OLA1: variants seen among roughly 807,000 people sequenced by gnomAD.
OLA1 encodes the protein Obg like ATPase 1, also known as obg-like ATPase 1.
In OLA1, 14 loss-of-function variants were observed where a neutral mutation model predicts 48.4. The observed-to-expected ratio is 0.29, with a 90% confidence interval of 0.19 to 0.45. The LOEUF is 0.45. Among genes scored for constraint, OLA1 ranks in the 20% least tolerant of loss-of-function variants. The pLI is 1.00. For missense variants in OLA1, 325 were observed against 467.1 expected (o/e 0.70, Z 2.80); for synonymous variants, 127 against 150.4 (o/e 0.84, Z 1.14).
intron 4 of OLA1, among the ~76,000 whole-genome samples, chr2:174,215,308 A>G (rs1041148667): frequency 1.4e-4 from 22 of 152,188 alleles, no homozygotes; most frequent in Admixed American, 1.4e-3. Flanking sequence ...GACAATTTGT[A>G]AAATAAAATA....
intron 4 of OLA1, among the ~76,000 whole-genome samples, chr2:174,171,055 A>G (rs1687289146): frequency 6.6e-6 from 1 of 152,262 alleles, no homozygotes; most frequent in African/African-American, 2.4e-5. Context: ...AAATTCATCC[A>G]AAAGGCATAA....
At chr2:174,205,841 C>T (rs1186479732) in intron 4 of OLA1, among the ~76,000 whole-genome samples, 3 of 152,100 alleles carry the variant, frequency 2.0e-5, no homozygotes, top group African/African-American at 2.4e-5. Flanking sequence ...GCCCTGACAT[C>T]GCCAATGTAG....
Position 174,172,343 on chromosome 2 carries a change from C to CGAAAAGAACCACG in OLA1, c.374-30344_374-30343insCGTGGTTCTTTTC, listed in dbSNP as rs112589757. 8 of 156,052 alleles carry CGAAAAGAACCACG rather than the reference C, an allele frequency of 5.1e-5. No homozygotes were observed. In the Admixed American group the frequency reaches 5.2e-4, roughly 10 times the overall value. 9.7% of individuals were successfully genotyped at this position (156,052 alleles called of 1,614,324 possible). A position where few individuals can be genotyped will look rare whatever the true frequency, so the allele number is the denominator to read the frequency against. On this transcript the variant is annotated intron_variant, in intron 4 of 10. Coordinates refer to ENST00000284719, the MANE Select transcript of OLA1 (RefSeq NM_013341.5). ...AGAATTACCGTAATAGTGAGAGTGG[C>CGAAAAGAACCACG]GAAAAGAGTGCTCCCGAAGGCCAGG...
chr2:174,230,687 CAGACTCTGGAAAATTTTATA>C (rs1688709233), intron 2 of OLA1, among the ~76,000 whole-genome samples: 1 of 152,082 alleles, frequency 6.6e-6, no homozygotes, highest in African/African-American at 2.4e-5. Flanking sequence ...CAATAAAATC[CAGACTCTGGAAAATTTTATA>C]AGACTAAAAA....
intron 7 of OLA1, among the ~76,000 whole-genome samples, chr2:174,089,766 G>A (rs1433815736): frequency 6.6e-6 from 1 of 151,810 alleles, no homozygotes; most frequent in Non-Finnish European, 1.5e-5. Flanking sequence ...TCCAGGCATG[G>A]TAGCCCATGC....
chr2:174,112,055 T>G (rs1385821489), intron 7 of OLA1, among the ~76,000 whole-genome samples: 1 of 152,214 alleles, frequency 6.6e-6, no homozygotes, highest in Non-Finnish European at 1.5e-5. Context: ...TAATGAATTT[T>G]TAGTCTCAGA....
At chr2:174,194,408 T>C (rs1687838789) in intron 4 of OLA1, among the ~76,000 whole-genome samples, 1 of 152,160 alleles carries the variant, frequency 6.6e-6, no homozygotes, top group Admixed American at 6.5e-5. Flanking sequence ...AAGTTGAGTG[T>C]GGGTTCATGT....
intron 4 of OLA1, among the ~76,000 whole-genome samples, chr2:174,216,418 A>G (rs890374415): frequency 1.3e-5 from 2 of 152,186 alleles, no homozygotes; most frequent in African/African-American, 2.4e-5. Context: ...ACAATACAAG[A>G]AAAAGGTGAA....
At chr2:174,243,278 T>C (rs1475850792) in intron 2 of OLA1, among the ~76,000 whole-genome samples, 2 of 152,162 alleles carry the variant, frequency 1.3e-5, no homozygotes, top group Non-Finnish European at 2.9e-5. Context: ...AATACAAAAA[T>C]TAACCAGGCA....
At chr2:174,246,398 G>C (rs1375149247) in intron 2 of OLA1, among the ~76,000 whole-genome samples, 1 of 151,846 alleles carries the variant, frequency 6.6e-6, no homozygotes, top group Non-Finnish European at 1.5e-5. Context: ...AACCTTTTAC[G>C]ATTTCCACTA....
At chr2:174,191,909 G>A (rs953017002) in intron 4 of OLA1, among the ~76,000 whole-genome samples, 2 of 152,146 alleles carry the variant, frequency 1.3e-5, no homozygotes, top group Non-Finnish European at 2.9e-5. Context: ...CAGCACATAT[G>A]TACAAACAAA....
At chr2:174,192,679 C>G (rs767351409) in intron 4 of OLA1, among the ~76,000 whole-genome samples, 48 of 152,262 alleles carry the variant, frequency 3.2e-4, no homozygotes, top group Admixed American at 1.4e-3. Context: ...TAGAGTAGGT[C>G]TACTGGCAAT....
chr2:174,161,071 T>G (rs1294700016), intron 4 of OLA1, among the ~76,000 whole-genome samples: 1 of 152,240 alleles, frequency 6.6e-6, no homozygotes, highest in Non-Finnish European at 1.5e-5. Context: ...AAAAAGATCA[T>G]GAGTTTCTAT....
rs775881806 is a variant in OLA1, at chr2:174,239,904, C to CA, written c.101+6810dup. ...GCGAGACTCTATCTCAAAAAAAAAA[C>CA]AAAAAACAATTAAATGCAACATACA... On this transcript the variant is annotated intron_variant, in intron 2 of 10. Coordinates refer to ENST00000284719, the MANE Select transcript of OLA1 (RefSeq NM_013341.5). 7.4e-4 allele frequency among the ~76,000 whole-genome samples: 111 copies of CA among 149,188 alleles called. 1 individual carries two copies. The highest frequency in any genetic ancestry group is 1.5e-3 in the Non-Finnish European group (99 of 67,146).
intron 7 of OLA1, among the ~76,000 whole-genome samples, chr2:174,115,797 G>A (rs563235859): frequency 4.6e-5 from 7 of 152,176 alleles, no homozygotes; most frequent in Non-Finnish European, 7.4e-5. Context: ...TTCCCCAGCC[G>A]CCCTAACTAA....
chr2:174,221,061 C>G (rs1186667354), intron 4 of OLA1, among the ~76,000 whole-genome samples: 1 of 152,056 alleles, frequency 6.6e-6, no homozygotes, highest in African/African-American at 2.4e-5. Context: ...ATGTATCATT[C>G]AGTGCTTTAT....
intron 4 of OLA1, among the ~76,000 whole-genome samples, chr2:174,179,157 T>C (rs1204148496): frequency 2.0e-5 from 3 of 152,040 alleles, no homozygotes; most frequent in Non-Finnish European, 4.4e-5. Flanking sequence ...ATCTTTTAAC[T>C]GTAAGTAGTT....
chr2:174,244,419 C>T (rs1275648538), intron 2 of OLA1, among the ~76,000 whole-genome samples: 1 of 152,138 alleles, frequency 6.6e-6, no homozygotes, highest in Admixed American at 6.6e-5. Context: ...TAGGTTACTT[C>T]CACGTACATT....
At chr2:174,139,368 T>C (rs770900365) in intron 5 of OLA1, among the ~76,000 whole-genome samples, 4 of 152,192 alleles carry the variant, frequency 2.6e-5, no homozygotes, top group Admixed American at 2.0e-4. Flanking sequence ...AGCATGGCCC[T>C]GCCAACACCC....
Sources: allele counts gnomAD v4.1 joint callset (sites outside exome capture counted in the v4.1 genomes callset), GRCh38; gene constraint gnomAD v4.1.1; transcripts MANE v1.5; gene names NCBI Gene and HGNC (gene_info 2026-07-23, HGNC 2026-07-21).